Variants in CFAP161 observed in about 807,000 individuals in gnomAD.
CFAP161 encodes cilia and flagella associated protein 161.
CFAP161 carries 25 observed loss-of-function variants against 29.0 expected under a neutral mutation model. That is an observed-to-expected ratio of 0.86 (90% CI 0.63 to 1.20). The LOEUF is 1.20. Among genes scored for constraint, CFAP161 ranks in the 50% most tolerant of loss-of-function variants. The pLI is 0.00. For missense variants in CFAP161, 367 were observed against 371.9 expected, an observed-to-expected ratio of 0.99 and a Z score of 0.11; for synonymous variants, 116 against 137.4, an observed-to-expected ratio of 0.84 and a Z score of 1.09.
At chr15:81,100,559 A>G (rs1379175160) in intron 1 of CFAP161, among the ~76,000 whole-genome samples, 1 of 152,226 alleles carries the variant, frequency 6.6e-6, no homozygotes, top group East Asian at 1.9e-4. Context: ...CATTGCCTAC[A>G]ATTTTCTACA....
upstream of CFAP161, among the ~76,000 whole-genome samples, chr15:81,130,559 G>A (rs1894697226): frequency 6.6e-6 from 1 of 152,202 alleles, no homozygotes; most frequent in Non-Finnish European, 1.5e-5. Flanking sequence ...AATTAGCTGG[G>A]TGTGGTGGCA....
chr15:81,149,101 C>T lies in CFAP161; in HGVS notation c.*568C>T, dbSNP rs1895064964. On this transcript the variant is annotated 3_prime_UTR_variant, in exon 7 of 7. Coordinates refer to ENST00000286732, the MANE Select transcript of CFAP161 (RefSeq NM_173528.4). ...TTAAGCTGCAGAATCTCTACCTTGT[C>T]TTTGAAACTGGCACATTAGTTGTGG... is the stretch of plus-strand genomic sequence containing the variant. 6.6e-6 allele frequency: 1 copy of T among 152,260 alleles called. No individual in the cohort carries two copies. 9.4% of individuals were successfully genotyped at this position (152,260 alleles called of 1,614,324 possible).
chr15:81,139,318 A>G (rs934472356), intron 4 of CFAP161, among the ~76,000 whole-genome samples: 1 of 152,080 alleles, frequency 6.6e-6, no homozygotes, highest in African/African-American at 2.4e-5. Context: ...ATAAAAATAA[A>G]AAATAAAAAG....
chr15:81,112,418 T>A (rs1894449945), intron 1 of CFAP161, among the ~76,000 whole-genome samples: 1 of 152,160 alleles, frequency 6.6e-6, no homozygotes, highest in Admixed American at 6.5e-5. Flanking sequence ...TCCAATTAAA[T>A]TTTCCCAAGA....
chr15:81,134,181 C>G, upstream of CFAP161: 1 of 896,510 alleles, frequency 1.1e-6, no homozygotes, highest in Non-Finnish European at 1.7e-6. Flanking sequence ...CGCCCCATCT[C>G]CCGCCCCAGG....
At chr15:81,118,018 A>G (rs879157206) in intron 1 of CFAP161, 1 of 498,252 alleles carries the variant, frequency 2.0e-6, no homozygotes, top group East Asian at 5.1e-5. Context: ...ATTCAGGTTA[A>G]TAACCTCACA....
At chr15:81,133,223 ATGTATTTTTT>A (rs1268204217), upstream of CFAP161, among the ~76,000 whole-genome samples, 4 of 25,708 alleles carry the variant, frequency 1.6e-4, no homozygotes, top group Admixed American at 4.4e-4. Flanking sequence ...ATATATATAT[ATGTATTTTTT>A]TTTAAATTGG....
chr15:81,129,768 G>GA (rs1713113078), upstream of CFAP161, among the ~76,000 whole-genome samples: 2 of 152,180 alleles, frequency 1.3e-5, no homozygotes, highest in African/African-American at 4.8e-5. Flanking sequence ...GAAAGTCCTA[G>GA]ATGACATCTT....
chr15:81,117,816 C>A, intron 1 of CFAP161: 1 of 327,602 alleles, frequency 3.1e-6, no homozygotes, highest in South Asian at 3.4e-5. Flanking sequence ...CTTCATCTTC[C>A]TCTTCATCCA....
chr15:81,141,215 A>G lies in CFAP161; in HGVS notation c.478-2447A>G, dbSNP rs997301524. 1.4e-4 allele frequency among the ~76,000 whole-genome samples: 21 copies of G among 152,318 alleles called. No individual in the cohort carries two copies. In the East Asian group the frequency reaches 1.5e-3, roughly 11 times the overall value. ...CTGTCAGCAAAATTTTCTATCACCC[A>G]GTAAGATTTTGTGGTTTTCTTTACA... is the stretch of plus-strand genomic sequence containing the variant. On this transcript the variant is annotated intron_variant, in intron 4 of 6. Coordinates refer to ENST00000286732, the MANE Select transcript of CFAP161 (RefSeq NM_173528.4).
At chr15:81,145,107 C>T (rs1894985035) in intron 5 of CFAP161, among the ~76,000 whole-genome samples, 1 of 152,158 alleles carries the variant, frequency 6.6e-6, no homozygotes, top group Non-Finnish European at 1.5e-5. Flanking sequence ...GCAAGCATGG[C>T]CAGGGTTCGC....
At chr15:81,144,838 G>T (rs570635811) in intron 5 of CFAP161, among the ~76,000 whole-genome samples, 5 of 151,990 alleles carry the variant, frequency 3.3e-5, no homozygotes, top group African/African-American at 1.2e-4. Context: ...AGAAGCCAAG[G>T]AGACAGCAGG....
chr15:81,133,180 T>TAC (rs1404700022), upstream of CFAP161, among the ~76,000 whole-genome samples: 1 of 18,374 alleles, frequency 5.4e-5, no homozygotes, highest in Non-Finnish European at 1.4e-4. Flanking sequence ...CATCAGCATA[T>TAC]ATATATATAT....
chr15:81,099,895 G>A (rs1005853794), intron 1 of CFAP161, among the ~76,000 whole-genome samples: 18 of 151,976 alleles, frequency 1.2e-4, no homozygotes, highest in Non-Finnish European at 1.6e-4. Context: ...TCCTCCTCAC[G>A]TATATTTCCA....
At chr15:81,102,612 G>A (rs987693639) in intron 1 of CFAP161, among the ~76,000 whole-genome samples, 1 of 152,202 alleles carries the variant, frequency 6.6e-6, no homozygotes, top group African/African-American at 2.4e-5. Flanking sequence ...AGGCTGCAGT[G>A]AGCTGTGATT....
At chr15:81,111,171 A>G (rs1894435500) in intron 1 of CFAP161, among the ~76,000 whole-genome samples, 1 of 152,148 alleles carries the variant, frequency 6.6e-6, no homozygotes, top group African/African-American at 2.4e-5. Flanking sequence ...TCGGCAACAC[A>G]CCTTACACAT....
intron 1 of CFAP161, among the ~76,000 whole-genome samples, chr15:81,122,495 CTT>C (rs60283141): frequency 1.2e-3 from 163 of 138,340 alleles, no homozygotes; most frequent in Non-Finnish European, 1.4e-3. Flanking sequence ...TTCTTTCTTT[CTT>C]TTTTTTTTTT....
At chr15:81,144,586 ACT>A (rs1352130192) in intron 5 of CFAP161, among the ~76,000 whole-genome samples, 1 of 151,816 alleles carries the variant, frequency 6.6e-6, no homozygotes, top group Non-Finnish European at 1.5e-5. Flanking sequence ...ACAGAGTGAG[ACT>A]CTGTCTCAAA....
Position 81,108,807 on chromosome 15 carries a change from G to A in CFAP161, c.-141-18783G>A, listed in dbSNP as rs554155349. Among the ~76,000 whole-genome samples, 8 of 152,316 alleles carry A rather than the reference G, an allele frequency of 5.3e-5. No individual in the cohort carries two copies. The South Asian group carries it at 1.7e-3, about 32-fold the overall frequency. ...TATTCAAGACACTTTTGTAAGCAAT[G>A]TTACCAGCCATTTAGTCCAGCTGTA... On this transcript the variant is annotated intron_variant, in intron 1 of 4. Coordinates refer to the CFAP161 transcript ENST00000560091.
Sources: allele counts gnomAD v4.1 joint callset (sites outside exome capture counted in the v4.1 genomes callset), GRCh38; gene constraint gnomAD v4.1.1; transcripts MANE v1.5; gene names NCBI Gene and HGNC (gene_info 2026-07-23, HGNC 2026-07-21).